Variants in PTPRD observed in about 807,000 individuals in gnomAD.
PTPRD encodes the protein receptor-type tyrosine-protein phosphatase delta.
In PTPRD, 34 loss-of-function variants were observed where a neutral mutation model predicts 214.5. The observed-to-expected ratio is 0.16, with a 90% CI of 0.12 to 0.21. The LOEUF (loss-of-function observed/expected upper bound fraction) is 0.21. Ranked by LOEUF, PTPRD falls within the 10% of genes least tolerant of loss-of-function variation. The pLI is 1.00. For missense variants in PTPRD, 2,545 were observed against 2,398.7 expected, an observed-to-expected ratio of 1.06 and a Z score of -1.27; for synonymous variants, 1,128 against 845.7, an observed-to-expected ratio of 1.33 and a Z score of -5.79.
At position 10,482,094 on chromosome 9, in the gene PTPRD, G is replaced by A. The variant is rs543246483; in HGVS notation, c.-600+130304C>T. The stretch of plus-strand genomic sequence containing the variant: ...AAGATAAAAAAAACAAATGTTGGCC[G>A]GGCGCGGTGGCTCACGCCTGTAATC... On this transcript the variant is annotated intron_variant, in intron 2 of 45. Transcript: ENST00000381196. Among the ~76,000 whole-genome samples the A allele has an allele frequency of 1.5e-3, 221 of 152,252 alleles. 1 individual carries two copies. The highest frequency in any genetic ancestry group is 4.8e-3 in the African/African-American group (199 of 41,554).
chr9:9,996,750 T>C (rs1430028722), intron 4 of PTPRD, among the ~76,000 whole-genome samples: 1 of 152,202 alleles, frequency 6.6e-6, no homozygotes, highest in African/African-American at 2.4e-5. Flanking sequence ...GTGATTTCAG[T>C]GGCTTCATAC....
intron 6 of PTPRD, among the ~76,000 whole-genome samples, chr9:9,751,577 TG>T (rs2098519965): frequency 6.6e-6 from 1 of 152,190 alleles, no homozygotes; most frequent in Admixed American, 6.6e-5. Flanking sequence ...AATGAGGTCA[TG>T]TTGAAGTGGG....
chr9:10,518,535 A>ATT (rs370269291), intron 2 of PTPRD, among the ~76,000 whole-genome samples: 3 of 145,866 alleles, frequency 2.1e-5, no homozygotes. Flanking sequence ...ATCATTTACA[A>ATT]TTTTTTTTTT....
At chr9:9,961,611 T>A (rs777673778) in intron 4 of PTPRD, among the ~76,000 whole-genome samples, 3 of 152,100 alleles carry the variant, frequency 2.0e-5, no homozygotes, top group Non-Finnish European at 4.4e-5. Flanking sequence ...TTACAGTGAT[T>A]ACTTGACTGC....
chr9:8,875,159 G>T (rs1239189136), intron 11 of PTPRD, among the ~76,000 whole-genome samples: 1 of 152,194 alleles, frequency 6.6e-6, no homozygotes, highest in South Asian at 2.1e-4. Flanking sequence ...TCACTGATGT[G>T]TTAAAGTTAA....
At chr9:9,711,032 A>C (rs547166996) in intron 7 of PTPRD, among the ~76,000 whole-genome samples, 14 of 152,190 alleles carry the variant, frequency 9.2e-5, no homozygotes, top group African/African-American at 3.1e-4. Context: ...CCTACGATGG[A>C]ATGGCATCCT....
chr9:10,547,182 C>T lies in PTPRD; in HGVS notation c.-600+65216G>A, dbSNP rs558729490. On this transcript the variant is annotated intron_variant, in intron 2 of 45. Transcript: ENST00000381196. ...AGGGTGGGGATGACAGAGAGCAACA[C>T]ATTTCTGCTAGTAGAAAAAGTTTCT... Among the ~76,000 whole-genome samples, 6 of 152,268 alleles carry T rather than the reference C, an allele frequency of 3.9e-5. No individual in the cohort carries two copies. The South Asian group carries it at 6.2e-4, about 16-fold the overall frequency.
intron 7 of PTPRD, among the ~76,000 whole-genome samples, chr9:9,606,189 C>T (rs538620582): frequency 1.3e-5 from 2 of 152,192 alleles, no homozygotes; most frequent in South Asian, 2.1e-4. Flanking sequence ...TCATTACACT[C>T]GGTCAAACTT....
At chr9:9,947,067 CAAAAG>C (rs1205338826) in intron 4 of PTPRD, among the ~76,000 whole-genome samples, 1 of 150,636 alleles carries the variant, frequency 6.6e-6, no homozygotes, top group Non-Finnish European at 1.5e-5. Context: ...CAAAATACCA[CAAAAG>C]AAATGATCTT....
intron 3 of PTPRD, among the ~76,000 whole-genome samples, chr9:10,072,201 CAAGTT>C (rs2098035001): frequency 6.6e-6 from 1 of 151,670 alleles, no homozygotes; most frequent in Non-Finnish European, 1.5e-5. Flanking sequence ...ATATAGGTGG[CAAGTT>C]AAGTATATGA....
chr9:9,455,007 A>C (rs180838447), intron 8 of PTPRD, among the ~76,000 whole-genome samples: 1 of 151,840 alleles, frequency 6.6e-6, no homozygotes, highest in Non-Finnish European at 1.5e-5. Flanking sequence ...TTCCAAAAAG[A>C]AAAAACAACC....
chr9:10,348,910 C>T (rs1204099084), intron 2 of PTPRD, among the ~76,000 whole-genome samples: 1 of 151,974 alleles, frequency 6.6e-6, no homozygotes, highest in Admixed American at 6.6e-5. Context: ...TCCTTGTGTG[C>T]CCCAAGATTT....
chr9:9,802,226 G>A (rs937812087), intron 5 of PTPRD, among the ~76,000 whole-genome samples: 5 of 148,508 alleles, frequency 3.4e-5, no homozygotes, highest in African/African-American at 1.2e-4. Context: ...AAATGCAAAT[G>A]TAATGGAAGT....
chr9:9,918,043 C>T (rs118001506), intron 5 of PTPRD, among the ~76,000 whole-genome samples: 2,941 of 151,854 alleles, frequency 0.019, 28 homozygotes, highest in Middle Eastern at 0.031. Flanking sequence ...ACATAGTATT[C>T]GAAGTCCTAC....
chr9:8,744,263 A>G (rs983007845), intron 11 of PTPRD, among the ~76,000 whole-genome samples: 2 of 152,234 alleles, frequency 1.3e-5, no homozygotes, highest in African/African-American at 4.8e-5. Flanking sequence ...AACTGAAAGT[A>G]GATCTATCAT....
Position 9,793,750 on chromosome 9 carries a change from T to C in PTPRD, c.-367-26899A>G, listed in dbSNP as rs142367212. On this transcript the variant is annotated intron_variant, in intron 5 of 45. Transcript: ENST00000381196. ...AAAAAGTATCTTATTTGTTCTTCCTTCTGTGTAGTTCCTACTTGGTTTCCA... is the reference window on the plus strand; with the variant it reads ...AAAAAGTATCTTATTTGTTCTTCCTCCTGTGTAGTTCCTACTTGGTTTCCA... Among the ~76,000 whole-genome samples the C allele has an allele frequency of 5.4e-3, 821 of 152,204 alleles. 8 individuals carry two copies. Among genetic ancestry groups the C allele is most frequent in the African/African-American group, 0.018 (737 of 41,548 alleles).
chr9:9,777,792 A>G (rs1427712825), intron 5 of PTPRD, among the ~76,000 whole-genome samples: 1 of 152,214 alleles, frequency 6.6e-6, no homozygotes, highest in Non-Finnish European at 1.5e-5. Flanking sequence ...TTTTTGTAAA[A>G]TGCATTATAA....
intron 7 of PTPRD, among the ~76,000 whole-genome samples, chr9:9,663,568 A>G (rs922478217): frequency 1.3e-5 from 2 of 151,512 alleles, no homozygotes; most frequent in African/African-American, 4.8e-5. Flanking sequence ...TCAAACTCCC[A>G]TAATAGTGAA....
At chr9:10,061,401 C>T (rs1180615150) in intron 3 of PTPRD, among the ~76,000 whole-genome samples, 1 of 152,050 alleles carries the variant, frequency 6.6e-6, no homozygotes, top group African/African-American at 2.4e-5. Context: ...GATTACATTG[C>T]TTAGCATTTA....
Sources: allele counts gnomAD v4.1 joint callset (sites outside exome capture counted in the v4.1 genomes callset), GRCh38; gene constraint gnomAD v4.1.1; transcripts MANE v1.5; gene names NCBI Gene and HGNC (gene_info 2026-07-23, HGNC 2026-07-21).